The following DACH1 variants were observed in gnomAD, a reference collection of about 807,000 sequenced individuals.
DACH1 encodes the protein dachshund family transcription factor 1.
DACH1 carries 12 observed loss-of-function variants against 54.2 expected under a neutral mutation model. The ratio of observed to expected loss-of-function variants is 0.22; its 90% CI spans 0.14 to 0.36. The LOEUF (loss-of-function observed/expected upper bound fraction) is 0.36, where lower values mean the gene tolerates loss of function less well. Among genes scored for constraint, DACH1 ranks in the 10% least tolerant of loss-of-function variants. The probability of loss-of-function intolerance (pLI) is 1.00; values close to 1 mark genes in which losing one functional copy is unlikely to be tolerated. For synonymous variants in DACH1, 386 were observed against 366.2 expected (o/e 1.05, Z -0.62); for missense variants, 805 against 929.8 (o/e 0.87, Z 1.75).
At chr13:71,528,566 T>C (rs1882178830) in intron 6 of DACH1, among the ~76,000 whole-genome samples, 1 of 151,602 alleles carries the variant, frequency 6.6e-6, no homozygotes, top group South Asian at 2.1e-4. Context: ...TAGCTGGGAC[T>C]ACAGGCGCCT....
chr13:71,506,170 T>A (rs1431195452), intron 6 of DACH1, among the ~76,000 whole-genome samples: 3 of 151,858 alleles, frequency 2.0e-5, no homozygotes, highest in Non-Finnish European at 4.4e-5. Context: ...AGTTTTAGGG[T>A]ACATGTGCAC....
chr13:71,851,961 T>C (rs955113289), intron 1 of DACH1, among the ~76,000 whole-genome samples: 6 of 152,154 alleles, frequency 3.9e-5, no homozygotes, highest in African/African-American at 1.2e-4. Flanking sequence ...AAACAGTGAG[T>C]GTACAATCTC....
intron 1 of DACH1, among the ~76,000 whole-genome samples, chr13:71,777,134 G>A (rs1053538778): frequency 6.6e-6 from 1 of 152,026 alleles, no homozygotes; most frequent in Non-Finnish European, 1.5e-5. Context: ...GTTTTCAGAT[G>A]AGTTCCTTAA....
chr13:71,540,683 C>T (rs1286122811), intron 6 of DACH1, among the ~76,000 whole-genome samples: 1 of 151,988 alleles, frequency 6.6e-6, no homozygotes, highest in East Asian at 1.9e-4. Context: ...GAGTAAAGAT[C>T]ATTTTGAAAC....
At chr13:71,552,375 TA>T (rs1883872167) in intron 6 of DACH1, among the ~76,000 whole-genome samples, 1 of 152,074 alleles carries the variant, frequency 6.6e-6, no homozygotes, top group Admixed American at 6.6e-5. Flanking sequence ...AAGAAGTTAA[TA>T]TTATAGGCTT....
At chr13:71,455,013 G>T (rs764459862) in intron 10 of DACH1, among the ~76,000 whole-genome samples, 1 of 152,276 alleles carries the variant, frequency 6.6e-6, no homozygotes, top group East Asian at 1.9e-4. Context: ...GAAATACAGA[G>T]AAGATTGCTA....
At chr13:71,611,527 G>A (rs1231487343) in intron 3 of DACH1, among the ~76,000 whole-genome samples, 2 of 152,152 alleles carry the variant, frequency 1.3e-5, no homozygotes, top group Non-Finnish European at 2.9e-5. Context: ...TGGCAAACAG[G>A]TGGTTTCTTA....
chr13:71,763,844 T>A (rs1031842086), intron 1 of DACH1, among the ~76,000 whole-genome samples: 3 of 152,210 alleles, frequency 2.0e-5, no homozygotes, highest in African/African-American at 7.2e-5. Flanking sequence ...TTTGCAGATT[T>A]AATGCAACTG....
chr13:71,675,867 A>G (rs1375698503), intron 2 of DACH1, among the ~76,000 whole-genome samples: 1 of 152,178 alleles, frequency 6.6e-6, no homozygotes, highest in East Asian at 1.9e-4. Flanking sequence ...TAGCATTTTT[A>G]TCATACAGTA....
chr13:71,510,779 C>T (rs1037073307), intron 6 of DACH1, among the ~76,000 whole-genome samples: 3 of 151,878 alleles, frequency 2.0e-5, no homozygotes, highest in Non-Finnish European at 4.4e-5. Flanking sequence ...TTTATGCCTT[C>T]CTCTATTGCA....
intron 10 of DACH1, among the ~76,000 whole-genome samples, chr13:71,462,576 A>C (rs2138142422): frequency 6.6e-6 from 1 of 152,054 alleles, no homozygotes; most frequent in East Asian, 1.9e-4. Flanking sequence ...TACCAAAAAT[A>C]AACACAATTT....
At chr13:71,554,613 C>T (rs1381068501) in intron 6 of DACH1, among the ~76,000 whole-genome samples, 4 of 152,136 alleles carry the variant, frequency 2.6e-5, no homozygotes, top group Non-Finnish European at 5.9e-5. Flanking sequence ...GTGATCTCCA[C>T]AGTTGTTTTA....
chr13:71,545,719 G>C (rs1883424672), intron 6 of DACH1, among the ~76,000 whole-genome samples: 1 of 152,000 alleles, frequency 6.6e-6, no homozygotes. Context: ...CATTTGTGCT[G>C]TCTTTTAAAT....
intron 3 of DACH1, among the ~76,000 whole-genome samples, chr13:71,627,762 T>C (rs1409815800): frequency 6.6e-6 from 1 of 152,030 alleles, no homozygotes; most frequent in East Asian, 1.9e-4. Context: ...AATGAGCTAA[T>C]ATTGAATGTC....
chr13:71,507,341 A>AT (rs1458612419), intron 6 of DACH1, among the ~76,000 whole-genome samples: 9 of 152,162 alleles, frequency 5.9e-5, no homozygotes, highest in Non-Finnish European at 1.3e-4. Context: ...TCCACAGAGA[A>AT]TTTTAATATA....
intron 1 of DACH1, among the ~76,000 whole-genome samples, chr13:71,736,410 C>A (rs1220539178): frequency 5.9e-5 from 9 of 151,314 alleles, no homozygotes; most frequent in Non-Finnish European, 1.3e-4. Flanking sequence ...TTGAGAAAAC[C>A]AAAAAGACAC....
chr13:71,858,051 T>C (rs1874118081), intron 1 of DACH1, among the ~76,000 whole-genome samples: 1 of 151,720 alleles, frequency 6.6e-6, no homozygotes, highest in African/African-American at 2.4e-5. Context: ...ATACACTATT[T>C]CTTAGTTAAC....
chr13:71,640,625 T>C (rs1877824374), intron 2 of DACH1, among the ~76,000 whole-genome samples: 1 of 152,082 alleles, frequency 6.6e-6, no homozygotes, highest in African/African-American at 2.4e-5. Flanking sequence ...AAACTAGGCA[T>C]TAGATATCTT....
intron 2 of DACH1, among the ~76,000 whole-genome samples, chr13:71,672,026 G>C (rs1198222145): frequency 6.6e-6 from 1 of 152,066 alleles, no homozygotes; most frequent in Non-Finnish European, 1.5e-5. Context: ...CAGCATGACT[G>C]TTCTCTTAAT....
Sources: gnomAD v4.1 joint callset for allele counts (sites outside exome capture counted in the v4.1 genomes callset) on GRCh38, gnomAD v4.1.1 for gene constraint, MANE v1.5 for transcripts, NCBI Gene and HGNC (gene_info 2026-07-23, HGNC 2026-07-21) for gene names.